Variants in LMO1 observed in about 807,000 individuals in gnomAD.
The protein encoded by LMO1 is LIM domain only 1, also known as rhombotin-1.
LMO1 carries 10 observed loss-of-function variants against 18.0 expected under a neutral mutation model. The observed-to-expected ratio is 0.55, with a 90% confidence interval of 0.34 to 0.94. LMO1 has a LOEUF of 0.94. Among genes scored for constraint, LMO1 ranks in the 40% least tolerant of loss-of-function variants. The probability of loss-of-function intolerance (pLI) is 0.02; values close to 1 mark genes in which losing one functional copy is unlikely to be tolerated. For missense variants in LMO1, 183 were observed against 205.7 expected, an observed-to-expected ratio of 0.89 and a Z score of 0.68; for synonymous variants, 77 against 77.9, an observed-to-expected ratio of 0.99 and a Z score of 0.06.
chr11:8,229,178 G>A (rs1384752539), intron 2 of LMO1, among the ~76,000 whole-genome samples: 8 of 152,214 alleles, frequency 5.3e-5, no homozygotes, highest in South Asian at 2.1e-4. Flanking sequence ...ATAAGCCACC[G>A]CGCCTAGCCT....
chr11:8,227,923 C>A (rs1286913919), intron 2 of LMO1, among the ~76,000 whole-genome samples: 1 of 152,252 alleles, frequency 6.6e-6, no homozygotes, highest in Non-Finnish European at 1.5e-5. Context: ...CCTGCCTTGG[C>A]CTCCCAAAGT....
At chr11:8,234,077 C>T (rs933973518) in intron 1 of LMO1, among the ~76,000 whole-genome samples, 3 of 152,154 alleles carry the variant, frequency 2.0e-5, no homozygotes, top group Non-Finnish European at 2.9e-5. Flanking sequence ...ATAAACCAGT[C>T]CACTCAACCC....
Position 8,224,572 on chromosome 11 carries a change from G to A in LMO1, c.*44C>T, listed in dbSNP as rs1952499246. Reference sequence around the variant, plus strand: ...GGCTGGCCGGCCAGGCAGGTGGGCAGGCGGGCAGATGGACAGACGGGCCTG... The same window carrying A: ...GGCTGGCCGGCCAGGCAGGTGGGCAAGCGGGCAGATGGACAGACGGGCCTG... On this transcript the variant is annotated 3_prime_UTR_variant, in exon 4 of 4. Coordinates refer to ENST00000335790, the MANE Select transcript of LMO1 (RefSeq NM_002315.3). 3 of 1,280,258 alleles carry A rather than the reference G, an allele frequency of 2.3e-6. No homozygotes were observed. Among genetic ancestry groups the A allele is most frequent in the Non-Finnish European group, 3.3e-6 (3 of 903,118 alleles). The allele number at this position is 1,280,258 out of a possible 1,614,324, so 79.3% of individuals were successfully genotyped here.
At chr11:8,247,996 G>A (rs1846925102) in intron 1 of LMO1, among the ~76,000 whole-genome samples, 1 of 151,498 alleles carries the variant, frequency 6.6e-6, no homozygotes, top group South Asian at 2.1e-4. Context: ...TGTCATTTGA[G>A]TTCTGTGCAG....
At chr11:8,268,435 TG>T, upstream of LMO1, 1 of 1,469,492 alleles carries the variant, frequency 6.8e-7, no homozygotes. Flanking sequence ...ACCGTCCTCC[TG>T]GTCCAACACC....
intron 1 of LMO1, among the ~76,000 whole-genome samples, chr11:8,262,833 G>T (rs1348654157): frequency 6.6e-6 from 1 of 152,172 alleles, no homozygotes; most frequent in Non-Finnish European, 1.5e-5. Context: ...CCTGGCGCTC[G>T]CGCCGTCCTC....
In LMO1 at chr11:8,226,956, C is replaced by T. The variant is rs567618336; in HGVS notation, c.365+19G>A. 16 of 1,602,580 alleles carry T rather than the reference C, an allele frequency of 1.0e-5. No homozygotes were observed. In the African/African-American group the frequency reaches 1.5e-4, roughly 15 times the overall value. On this transcript the variant is annotated intron_variant, in intron 3 of 3. Transcript: ENST00000335790. The stretch of plus-strand genomic sequence containing the variant: ...CTGGCGTCTGGGGAGTGTGTTGGGT[C>T]GGCCAGTCCAGCACTGACCTCTGGT...
intron 1 of LMO1, among the ~76,000 whole-genome samples, chr11:8,230,765 C>G (rs1402189792): frequency 6.6e-6 from 1 of 152,220 alleles, no homozygotes; most frequent in South Asian, 2.1e-4. Flanking sequence ...ACACACAGAC[C>G]CCAGGCCTGG....
chr11:8,239,008 C>A (rs1209622512), intron 1 of LMO1, among the ~76,000 whole-genome samples: 2 of 152,184 alleles, frequency 1.3e-5, no homozygotes, highest in African/African-American at 4.8e-5. Flanking sequence ...CTCAATGAAT[C>A]TTCATATTAA....
intron 1 of LMO1, among the ~76,000 whole-genome samples, chr11:8,241,595 C>T (rs1846793939): frequency 6.6e-6 from 1 of 152,228 alleles, no homozygotes; most frequent in African/African-American, 2.4e-5. Context: ...TCCCAGAACA[C>T]CCTTCCCTGC....
chr11:8,224,554 C>T lies in LMO1; in HGVS notation c.*62G>A, dbSNP rs373404535. ...TGCACTGGTAGAGTGGCTGGCTGGC[C>T]GGCCAGGCAGGTGGGCAGGCGGGCA... On this transcript the variant is annotated 3_prime_UTR_variant, in exon 4 of 4. Coordinates refer to ENST00000335790, the MANE Select transcript of LMO1 (RefSeq NM_002315.3). 1.2e-5 allele frequency: 13 copies of T among 1,054,650 alleles called. No individual in the cohort carries two copies. The highest frequency in any genetic ancestry group is 6.9e-5 in the South Asian group (5 of 72,124). 65.3% of individuals were successfully genotyped at this position (1,054,650 alleles called of 1,614,324 possible). A position where few individuals can be genotyped will look rare whatever the true frequency, so the allele number is the denominator to read the frequency against.
At chr11:8,257,575 C>A (rs939803776) in intron 1 of LMO1, among the ~76,000 whole-genome samples, 1 of 152,254 alleles carries the variant, frequency 6.6e-6, no homozygotes, top group African/African-American at 2.4e-5. Flanking sequence ...AGGGCTAGGG[C>A]AGAAGGCATG....
At chr11:8,246,360 C>T (rs982983150) in intron 1 of LMO1, among the ~76,000 whole-genome samples, 3 of 152,050 alleles carry the variant, frequency 2.0e-5, no homozygotes, top group Admixed American at 6.5e-5. Flanking sequence ...GATTTGGCCA[C>T]AAAAAGAAAT....
At chr11:8,253,401 TA>T (rs1479133524) in intron 1 of LMO1, among the ~76,000 whole-genome samples, 2 of 152,202 alleles carry the variant, frequency 1.3e-5, no homozygotes, top group African/African-American at 4.8e-5. Context: ...TCAACAGACC[TA>T]AAAGGTAAAC....
chr11:8,249,416 G>A (rs191611201), intron 1 of LMO1, among the ~76,000 whole-genome samples: 28 of 152,270 alleles, frequency 1.8e-4, no homozygotes, highest in Non-Finnish European at 2.9e-4. Flanking sequence ...TCTCCACAGA[G>A]TAAACCAAAT....
In LMO1 at chr11:8,225,136, G is replaced by A. The variant is rs557880318; in HGVS notation, c.366-415C>T. Among the ~76,000 whole-genome samples the A allele has an allele frequency of 9.9e-5, 15 of 152,142 alleles. 1 individual carries two copies. In the South Asian group the frequency reaches 2.9e-3, roughly 30 times the overall value. ...GATGGAGAAAGGCAGAGATGGGGCC[G>A]GGTGTGGTGGCTCACACCTGTAATC... On this transcript the variant is annotated intron_variant, in intron 3 of 3. Coordinates refer to ENST00000335790, the MANE Select transcript of LMO1 (RefSeq NM_002315.3).
intron 1 of LMO1, among the ~76,000 whole-genome samples, chr11:8,250,349 C>A (rs141552682): frequency 3.6e-4 from 55 of 152,322 alleles, no homozygotes; most frequent in Admixed American, 9.8e-4. Context: ...TTATTTCAAC[C>A]AATTTTAATT....
At chr11:8,268,490 G>T, upstream of LMO1, 1 of 1,375,024 alleles carries the variant, frequency 7.3e-7, no homozygotes. Context: ...AGGATACGGA[G>T]GGGCGCGTGG....
intron 1 of LMO1, among the ~76,000 whole-genome samples, chr11:8,234,129 G>C (rs1325364119): frequency 6.6e-6 from 1 of 152,130 alleles, no homozygotes; most frequent in Non-Finnish European, 1.5e-5. Context: ...GAACAACATT[G>C]GAGGGGAAAC....
Sources: gnomAD v4.1 joint callset for allele counts (sites outside exome capture counted in the v4.1 genomes callset) on GRCh38, gnomAD v4.1.1 for gene constraint, MANE v1.5 for transcripts, NCBI Gene and HGNC (gene_info 2026-07-23, HGNC 2026-07-21) for gene names.